VARS2: variants seen among roughly 807,000 people sequenced by gnomAD.
VARS2 encodes valyl-tRNA synthetase 2, mitochondrial.
VARS2 carries 105 observed loss-of-function variants against 154.1 expected under a neutral mutation model. That is an observed-to-expected ratio of 0.68 (90% CI 0.58 to 0.80). VARS2 has a LOEUF of 0.80. Ranked by LOEUF, VARS2 falls within the 30% of genes least tolerant of loss-of-function variation. VARS2 has a pLI of 0.00. For missense variants in VARS2, 1,157 were observed against 1,361.4 expected, an observed-to-expected ratio of 0.85 and a Z score of 2.36; for synonymous variants, 483 against 539.5, an observed-to-expected ratio of 0.90 and a Z score of 1.45.
chr6:30,921,437 C>T lies in VARS2; in HGVS notation c.1632+132C>T, dbSNP rs538532824. 12 of 1,419,820 alleles carry T rather than the reference C, an allele frequency of 8.5e-6. No homozygotes were observed. The highest frequency in any genetic ancestry group is 3.6e-5 in the South Asian group (3 of 82,288). 88.0% of individuals were successfully genotyped at this position (1,419,820 alleles called of 1,614,324 possible). A position where few individuals can be genotyped will look rare whatever the true frequency, so the allele number is the denominator to read the frequency against. ...ATGCTCATAGTCATGTAACCTTCTG[C>T]GCGATCAAGGCTCCCTGAAGTGGCA... On this transcript the variant is annotated intron_variant, in intron 17 of 29. Transcript: ENST00000676266. The surrounding 1 kb of genome is among the most constrained non-coding windows in gnomAD (Gnocchi z 4.6).
Position 30,920,014 on chromosome 6 carries a change from C to CAGGTGATGGGGCGGTGA in VARS2, c.1166-67_1166-66insGGGCGGTGAAGGTGATG. 1.3e-6 allele frequency: 2 copies of CAGGTGATGGGGCGGTGA among 1,504,162 alleles called. No individual in the cohort carries two copies. Among genetic ancestry groups the CAGGTGATGGGGCGGTGA allele is most frequent in the Non-Finnish European group, 1.8e-6 (2 of 1,126,138 alleles). 93.2% of individuals were successfully genotyped at this position (1,504,162 alleles called of 1,614,324 possible). ...GAAAGTCGCAGGGGCTGGGGCGGTG[C>CAGGTGATGGGGCGGTGA]AGGTGATGATGATACATCTGGAAAA... is the stretch of plus-strand genomic sequence containing the variant. On this transcript the variant is annotated intron_variant, in intron 12 of 29. Coordinates refer to ENST00000676266, the MANE Select transcript of VARS2 (RefSeq NM_020442.6). This position sits in a 1 kb window ranked among gnomAD's most constrained non-coding sequence, Gnocchi z 4.6.
chr6:30,915,668 C>T, intron 4 of VARS2, 78 bp from the exon 5 acceptor site: 2 of 1,582,326 alleles, frequency 1.3e-6, no homozygotes, highest in Non-Finnish European at 8.6e-7. Context: ...GAAGTTCTTT[C>T]TGTTCTGGAG....
At chr6:30,915,259 GC>G in intron 3 of VARS2, 22 bp downstream of exon 3, 1 of 1,613,124 alleles carries the variant, frequency 6.2e-7, no homozygotes, top group Non-Finnish European at 8.5e-7. Context: ...AAGTAAGAAG[GC>G]CTTTTCTTTC....
Position 30,917,813 on chromosome 6 carries a change from AT to A in VARS2, c.985+8del. 6.4e-7 allele frequency: 1 copy of A among 1,552,984 alleles called. No individual in the cohort carries two copies. On this transcript the variant is annotated splice_region_variant and intron_variant, in intron 10 of 29. Coordinates refer to ENST00000676266, the MANE Select transcript of VARS2 (RefSeq NM_020442.6). The surrounding 1 kb of genome is among the most constrained non-coding windows in gnomAD (Gnocchi z 4.4). ...CCCGTGGATGGAGAGCCTGGTGAGC[AT>A]AGTACTCTGCAGGGTCACCCGTTTA...
rs891749438 is a variant in VARS2, at chr6:30,914,285, T to A, written c.-87T>A. 3 of 978,802 alleles carry A rather than the reference T, an allele frequency of 3.1e-6. No individual in the cohort carries two copies. Among genetic ancestry groups the A allele is most frequent in the Non-Finnish European group, 4.0e-6 (3 of 754,058 alleles). The allele number at this position is 978,802 out of a possible 1,614,324, so 60.6% of individuals were successfully genotyped here. On this transcript the variant is annotated 5_prime_UTR_variant, in exon 1 of 30. Transcript: ENST00000676266. ...CAGGGCCACGTTCCAGGGTCGGGTT[T>A]GGTGGATTCCTCAGTCCCTGCCGCC...
chr6:30,918,736 T>C, intron 10 of VARS2, 91 bp from the exon 11 acceptor site: 1 of 1,087,708 alleles, frequency 9.2e-7, no homozygotes, highest in Non-Finnish European at 1.4e-6. Context: ...TCCCTGCCCC[T>C]TCCCCTTTCC....
Position 30,921,027 on chromosome 6 carries a change from G to A in VARS2, c.1480-38G>A. On this transcript the variant is annotated intron_variant, in intron 15 of 29. Coordinates refer to ENST00000676266, the MANE Select transcript of VARS2 (RefSeq NM_020442.6). The surrounding 1 kb of genome is among the most constrained non-coding windows in gnomAD (Gnocchi z 4.6). ...CTATCTGTGGAGGTGCGGCCGTGCAGGAAGGGCAACATTGTCTAAAGTCCC... is the reference window on the plus strand; with the variant it reads ...CTATCTGTGGAGGTGCGGCCGTGCAAGAAGGGCAACATTGTCTAAAGTCCC... 6.3e-7 allele frequency: 1 copy of A among 1,581,626 alleles called. No homozygotes were observed. The highest frequency in any genetic ancestry group is 8.6e-7 in the Non-Finnish European group (1 of 1,163,154).
At chr6:30,925,200 G>A in intron 26 of VARS2, 74 bp from the exon 27 acceptor site, 3 of 1,156,920 alleles carry the variant, frequency 2.6e-6, no homozygotes, top group Admixed American at 2.2e-5. Context: ...GATGGGTCGA[G>A]AAGAGAGCCA....
chr6:30,926,203 A>G lies in VARS2; in HGVS notation c.3185A>G (p.Glu1062Gly), dbSNP rs1367912184. 6.2e-7 allele frequency: 1 copy of G among 1,612,958 alleles called. No individual in the cohort carries two copies. The highest frequency in any genetic ancestry group is 8.5e-7 in the Non-Finnish European group (1 of 1,180,022). ...GAGCCTCCAGCCCCAGGGAGCCCGGAGCTCTAACTCATCATCCCCATCAGT... is the reference window on the plus strand; with the variant it reads ...GAGCCTCCAGCCCCAGGGAGCCCGGGGCTCTAACTCATCATCCCCATCAGT... ...MDEPPAPGSP[E>G]L The change falls in exon 30 of 30, where the codon GAG becomes GGG. Residue 1062 changes from glutamate to glycine, a missense_variant. Physicochemically the swap from Glu to Gly is moderately conservative, Grantham distance 98. Coordinates refer to ENST00000676266, the MANE Select transcript of VARS2 (RefSeq NM_020442.6).
Position 30,924,329 on chromosome 6 carries a change from C to T in VARS2, c.2467-25C>T, listed in dbSNP as rs774311888. ...GGAGGGCTGTGGCCCTGGACCTGTC[C>T]TCTGACCATTGGCTTCCTCTCCAGG... is the stretch of plus-strand genomic sequence containing the variant. On this transcript the variant is annotated intron_variant, in intron 25 of 29. Transcript: ENST00000676266. 1.9e-6 allele frequency: 3 copies of T among 1,610,486 alleles called. No homozygotes were observed. In the South Asian group the frequency reaches 3.3e-5, roughly 18 times the overall value.
intron 25 of VARS2, chr6:30,923,743 G>C: frequency 1.7e-6 from 1 of 575,894 alleles, no homozygotes; most frequent in Admixed American, 3.3e-5. Context: ...TTCTAGAAAT[G>C]TCTGACAAGT....
At chr6:30,914,374 A>G in intron 1 of VARS2, 30 bp downstream of exon 1, 1 of 1,248,898 alleles carries the variant, frequency 8.0e-7, no homozygotes, top group Non-Finnish European at 1.0e-6. Flanking sequence ...GCCTCCGGGA[A>G]GTGGGAGACG....
In VARS2 at chr6:30,920,552, G is replaced by A; in HGVS notation, c.1397+116G>A. 7.4e-7 allele frequency: 1 copy of A among 1,357,732 alleles called. No homozygotes were observed. Among genetic ancestry groups the A allele is most frequent in the Admixed American group, 2.6e-5 (1 of 38,076 alleles). The allele number at this position is 1,357,732 out of a possible 1,614,324, so 84.1% of individuals were successfully genotyped here. A position where few individuals can be genotyped will look rare whatever the true frequency, so the allele number is the denominator to read the frequency against. On this transcript the variant is annotated intron_variant, in intron 14 of 29. Coordinates refer to ENST00000676266, the MANE Select transcript of VARS2 (RefSeq NM_020442.6). The surrounding 1 kb of genome is among the most constrained non-coding windows in gnomAD (Gnocchi z 4.6). ...CCGTTAGAATACGAGCTCCGTGTCG[G>A]TTTTATTCGCTATTGTATCCTCAGT...
chr6:30,923,020 G>T, intron 23 of VARS2, 44 bp downstream of exon 23: 1 of 1,603,948 alleles, frequency 6.2e-7, no homozygotes. Context: ...AGGGCAGCGG[G>T]CACCTGTGCA....
At chr6:30,918,991 CTCTT>C in intron 11 of VARS2, 76 bp downstream of exon 11, 1 of 1,328,938 alleles carries the variant, frequency 7.5e-7, no homozygotes, top group Non-Finnish European at 1.1e-6. Flanking sequence ...TAAATGGTGG[CTCTT>C]TCTCTCTTGC....
chr6:30,916,097 C>T lies in VARS2; in HGVS notation c.573+50C>T. On this transcript the variant is annotated intron_variant, in intron 6 of 29. Transcript: ENST00000676266. The surrounding 1 kb of genome is among the most constrained non-coding windows in gnomAD (Gnocchi z 4.0). ...TTTCTTGGGCAAAAGCAATTTCTTC[C>T]CCCAAAGCAACCAAGCAACCTGACT... 6.5e-7 allele frequency: 1 copy of T among 1,527,148 alleles called. No homozygotes were observed. Among genetic ancestry groups the T allele is most frequent in the Non-Finnish European group, 8.8e-7 (1 of 1,139,820 alleles). 94.6% of individuals were successfully genotyped at this position (1,527,148 alleles called of 1,614,324 possible). A position where few individuals can be genotyped will look rare whatever the true frequency, so the allele number is the denominator to read the frequency against.
At position 30,921,075 on chromosome 6, in the gene VARS2, C is replaced by T. The variant is rs368986102; in HGVS notation, c.1490C>T (p.Ser497Leu). 3.1e-5 allele frequency: 50 copies of T among 1,612,464 alleles called. No individual in the cohort carries two copies. The highest frequency in any genetic ancestry group is 1.3e-4 in the Admixed American group (8 of 59,882). Residue 497 changes from serine to leucine, a missense_variant, in exon 16 of 30, where the codon TCG becomes TTG. Physicochemically the swap from Ser to Leu is moderately radical, Grantham distance 145. Coordinates refer to ENST00000676266, the MANE Select transcript of VARS2 (RefSeq NM_020442.6). This position sits in a 1 kb window ranked among gnomAD's most constrained non-coding sequence, Gnocchi z 4.6. The part of the protein sequence containing the change: ...MGARAAKAVE[S>L]GALELSPSFH... ...CCCCTTTCTCTCCAGGCTGTGGAGT[C>T]GGGGGCCCTGGAGCTCAGTCCCTCC...
intron 25 of VARS2, chr6:30,924,079 C>T: frequency 1.8e-6 from 1 of 558,876 alleles, no homozygotes; most frequent in Non-Finnish European, 3.2e-6. Flanking sequence ...CCTCTGTCCC[C>T]TGTTGATAAG....
chr6:30,925,524 G>C lies in VARS2; in HGVS notation c.2786-20G>C, dbSNP rs1794781786. The C allele has an allele frequency of 2.6e-6, 4 of 1,564,710 alleles. No individual in the cohort carries two copies. The highest frequency in any genetic ancestry group is 3.5e-6 in the Non-Finnish European group (4 of 1,159,416). ...AGGCAGGAGCTGAGGCCTTGCCCCT[G>C]ACAGTTTCTTTCTTTCCAGTGCTGC... On this transcript the variant is annotated intron_variant, in intron 27 of 29. Coordinates refer to ENST00000676266, the MANE Select transcript of VARS2 (RefSeq NM_020442.6).
Sources: gnomAD v4.1 joint callset for allele counts on GRCh38, gnomAD v4.1.1 for gene constraint, Gnocchi (gnomAD v3.1) non-coding constraint, MANE v1.5 for transcripts, NCBI Gene and HGNC (gene_info 2026-07-23, HGNC 2026-07-21) for gene names.